MROH1: variants seen among roughly 807,000 people sequenced by gnomAD.
MROH1 encodes maestro heat-like repeat-containing protein family member 1.
Under a neutral mutation model 116.5 loss-of-function variants are expected in MROH1, and 117 were observed. The ratio of observed to expected loss-of-function variants is 1.00; its 90% confidence interval spans 0.86 to 1.17. The LOEUF (loss-of-function observed/expected upper bound fraction) is 1.17. Ranked by LOEUF, MROH1 falls within the 50% of genes most tolerant of loss-of-function variation. MROH1 has a pLI of 0.00. For missense variants in MROH1, 1,873 were observed against 1,338.5 expected, an observed-to-expected ratio of 1.40 and a Z score of -6.23; for synonymous variants, 921 against 583.9, an observed-to-expected ratio of 1.58 and a Z score of -8.32.
intron 14 of MROH1, among the ~76,000 whole-genome samples, chr8:144,225,427 C>T (rs1245124053): frequency 6.6e-6 from 1 of 152,184 alleles, no homozygotes; most frequent in East Asian, 1.9e-4. Flanking sequence ...CCTCAGCCTC[C>T]CAAAGTGCTG....
intron 14 of MROH1, among the ~76,000 whole-genome samples, chr8:144,229,504 T>G (rs560849445): frequency 8.6e-5 from 13 of 151,554 alleles, no homozygotes; most frequent in African/African-American, 3.2e-4. Context: ...CTCACCCTCC[T>G]GAGTAGCTGG....
chr8:144,241,337 C>T, intron 21 of MROH1, 58 bp from the exon 22 acceptor site: 10 of 727,462 alleles, frequency 1.4e-5, no homozygotes, highest in Admixed American at 3.9e-5. Flanking sequence ...TGACAGTGTG[C>T]GTGCATGTGT....
In MROH1 at chr8:144,222,202, A is replaced by T. The variant is rs553468902; in HGVS notation, c.1216-906A>T. Among the ~76,000 whole-genome samples, 304 of 152,240 alleles carry T rather than the reference A, an allele frequency of 2.0e-3. 1 individual carries two copies. The highest frequency in any genetic ancestry group is 6.8e-3 in the African/African-American group (283 of 41,550). ...GGATGGGTGTATTTGGAGCCTGGGA[A>T]GGGCAGCTGCCAGTGCCCAGGAGGC... On this transcript the variant is annotated intron_variant, in intron 13 of 43. Transcript: ENST00000326134.
chr8:144,208,772 G>A (rs1255560747), intron 12 of MROH1, among the ~76,000 whole-genome samples: 2 of 151,658 alleles, frequency 1.3e-5, no homozygotes, highest in Non-Finnish European at 2.9e-5. Flanking sequence ...CACCCAGGCT[G>A]GAGTACAGTG....
At position 144,180,162 on chromosome 8, in the gene MROH1, G is replaced by A. The variant is rs373106983; in HGVS notation, c.301-16G>A. On this transcript the variant is annotated splice_polypyrimidine_tract_variant and intron_variant, in intron 5 of 43. Transcript: ENST00000326134. This position sits in a 1 kb window ranked among gnomAD's most constrained non-coding sequence, Gnocchi z 7.4. ...GGTCTTGCCTTTTGGTCTACCTGCC[G>A]GTGTTTTGGGTTCAGGACCTGGTCT... The A allele has an allele frequency of 1.1e-5, 18 of 1,613,266 alleles. No homozygotes were observed. Among genetic ancestry groups the A allele is most frequent in the South Asian group, 4.4e-5 (4 of 91,052 alleles).
chr8:144,232,651 G>A (rs1337520143), intron 14 of MROH1, among the ~76,000 whole-genome samples: 1 of 151,502 alleles, frequency 6.6e-6, no homozygotes, highest in Non-Finnish European at 1.5e-5. Context: ...ACACCGCCAC[G>A]CTTGGCTAAT....
chr8:144,196,824 C>T (rs138299304), intron 10 of MROH1, among the ~76,000 whole-genome samples: 2,181 of 149,696 alleles, frequency 0.015, 19 homozygotes, highest in Non-Finnish European at 0.021. Flanking sequence ...TAGGCCGGTG[C>T]GGTGGCTCAT....
At chr8:144,260,880 A>G (rs1473585170) in intron 40 of MROH1, 27 bp from the exon 41 acceptor site, 4 of 777,436 alleles carry the variant, frequency 5.1e-6, no homozygotes, top group Admixed American at 3.4e-5. Flanking sequence ...CCTCAACTGG[A>G]CTTGGCCCCA....
At chr8:144,226,651 C>T (rs1380426774) in intron 14 of MROH1, among the ~76,000 whole-genome samples, 1 of 152,156 alleles carries the variant, frequency 6.6e-6, no homozygotes, top group Admixed American at 6.5e-5. Flanking sequence ...TGCAGTTTCA[C>T]TGTGTTGGCC....
chr8:144,234,520 T>G (rs1199277986), intron 14 of MROH1, among the ~76,000 whole-genome samples: 5 of 86,440 alleles, frequency 5.8e-5, no homozygotes, highest in East Asian at 3.6e-4. Flanking sequence ...TTTTTTTTTT[T>G]TTTTTTTTTT....
rs1360178257 is a variant in MROH1 at position 144,250,355 on chromosome 8, G to T, written c.3417G>T (p.Leu1139Phe). The T allele has an allele frequency of 2.6e-6, 2 of 764,656 alleles. No individual in the cohort carries two copies. The highest frequency in any genetic ancestry group is 1.7e-5 in the Admixed American group (1 of 57,748). The allele number at this position is 764,656 out of a possible 1,614,324, so 47.4% of individuals were successfully genotyped here. Residue 1139 changes from leucine (L) to phenylalanine (F), a missense_variant, in exon 33 of 44, where the codon TTG becomes TTT. Coordinates refer to ENST00000326134, the MANE Select transcript of MROH1 (RefSeq NM_032450.3). ...TGTCCAGCCTCCTGGGCAGCCCCTT[G>T]CCCTTGGACAGGTACCCAGCTCAGA... ...AVVSSLLGSP[L>F]PLDSHTCMLW...
Position 144,248,897 on chromosome 8 carries a change from C to T in MROH1, c.3141C>T (p.Pro1047=). ...SVGQIIAKRL[P]PDQLISLLLT... is the part of the protein sequence containing the mutation. Reference sequence around the variant, plus strand: ...CCTAGATTATTGCCAAGCGCCTCCCCCCAGACCAGCTCATCAGCCTCTTGC... The same window carrying T: ...CCTAGATTATTGCCAAGCGCCTCCCTCCAGACCAGCTCATCAGCCTCTTGC... Residue 1047 remains proline (P), a synonymous_variant, in exon 32 of 44, where the codon CCC becomes CCT. Transcript: ENST00000326134. The T allele has an allele frequency of 2.6e-6, 2 of 778,944 alleles. No homozygotes were observed. The highest frequency in any genetic ancestry group is 4.8e-6 in the Non-Finnish European group (2 of 417,210). 48.3% of individuals were successfully genotyped at this position (778,944 alleles called of 1,614,324 possible). A position where few individuals can be genotyped will look rare whatever the true frequency, so the allele number is the denominator to read the frequency against.
intron 4 of MROH1, among the ~76,000 whole-genome samples, chr8:144,169,504 G>T (rs1459084724): frequency 6.6e-6 from 1 of 150,492 alleles, no homozygotes; most frequent in Non-Finnish European, 1.5e-5. Flanking sequence ...CCGGGCTGGA[G>T]TGCAGTGGAC....
At chr8:144,153,354 G>A (rs1329787135) in intron 1 of MROH1, among the ~76,000 whole-genome samples, 8 of 151,364 alleles carry the variant, frequency 5.3e-5, no homozygotes, top group Non-Finnish European at 8.8e-5. Flanking sequence ...CCACCACCAC[G>A]CCCAGCTAAT....
At position 144,180,247 on chromosome 8, in the gene MROH1, A is replaced by G. The variant is rs769495343; in HGVS notation, c.370A>G (p.Lys124Glu). Residue 124 changes from lysine to glutamate, a missense_variant, in exon 6 of 44, where the codon AAG (lysine) becomes GAG (glutamate). Lys to Glu is a moderately conservative substitution (Grantham distance 56, BLOSUM62 1). Transcript: ENST00000326134. The surrounding 1 kb of genome is among the most constrained non-coding windows in gnomAD (Gnocchi z 7.4). ...GGCCGTGGGAAGACAGTTCATCAGCAAGGTGATGGAGGAGCTGCTGCGCAG... is the reference window on the plus strand; with the variant it reads ...GGCCGTGGGAAGACAGTTCATCAGCGAGGTGATGGAGGAGCTGCTGCGCAG... ...LVAVGRQFISKVMEELLRRLH... is the reference protein window; with the variant it reads ...LVAVGRQFISEVMEELLRRLH... The G allele has an allele frequency of 6.2e-7, 1 of 1,612,500 alleles. No homozygotes were observed. The highest frequency in any genetic ancestry group is 1.7e-5 in the Admixed American group (1 of 59,936).
At chr8:144,241,773 CGCGGCTGGGGCAGGCCTCTGCCCCCTG>C (rs1331676659) in intron 22 of MROH1, among the ~76,000 whole-genome samples, 1 of 152,222 alleles carries the variant, frequency 6.6e-6, no homozygotes, top group Admixed American at 6.5e-5. Context: ...GAGAGGGGTT[CGCGGCTGGGGCAGGCCTCTGCCCCCTG>C]GTGGCTGGCA....
At chr8:144,260,153 C>A in intron 38 of MROH1, 33 bp from the exon 39 acceptor site, 1 of 762,942 alleles carries the variant, frequency 1.3e-6, no homozygotes, top group Middle Eastern at 2.3e-4. Context: ...GACGGTGACT[C>A]TGGGACCCAG....
chr8:144,150,445 GTAGA>G (rs1816441926), intron 1 of MROH1, among the ~76,000 whole-genome samples: 1 of 152,160 alleles, frequency 6.6e-6, no homozygotes, highest in Non-Finnish European at 1.5e-5. Context: ...GAGGGCATCT[GTAGA>G]TAGATGTGGA....
At chr8:144,222,359 G>T (rs1836950528) in intron 13 of MROH1, among the ~76,000 whole-genome samples, 1 of 152,142 alleles carries the variant, frequency 6.6e-6, no homozygotes, top group Non-Finnish European at 1.5e-5. Flanking sequence ...CAGCAGGGGA[G>T]GGAGGCAAAG....
Sources: gnomAD v4.1 joint callset for allele counts (sites outside exome capture counted in the v4.1 genomes callset) on GRCh38, gnomAD v4.1.1 for gene constraint, Gnocchi (gnomAD v3.1) non-coding constraint, MANE v1.5 for transcripts, NCBI Gene and HGNC (gene_info 2026-07-23, HGNC 2026-07-21) for gene names.